The following KAT6A variants were observed in gnomAD, a reference collection of about 807,000 sequenced individuals.
The protein encoded by KAT6A is lysine acetyltransferase 6A.
A neutral mutation model predicts 198.4 loss-of-function variants in KAT6A; 9 were observed. The observed-to-expected ratio is 0.05, with a 90% CI of 0.03 to 0.08. The LOEUF (loss-of-function observed/expected upper bound fraction) is 0.08. Among genes scored for constraint, KAT6A ranks in the 10% least tolerant of loss-of-function variants. The probability of loss-of-function intolerance (pLI) is 1.00; values close to 1 mark genes in which losing one functional copy is unlikely to be tolerated. For missense variants in KAT6A, 2,077 were observed against 2,509.9 expected (o/e 0.83, Z 3.69); for synonymous variants, 890 against 883.0 (o/e 1.01, Z -0.14).
At chr8:41,991,568 T>C (rs977630036) in intron 2 of KAT6A, among the ~76,000 whole-genome samples, 1 of 152,190 alleles carries the variant, frequency 6.6e-6, no homozygotes, top group Admixed American at 6.5e-5. Context: ...GTAGTTAAGG[T>C]GTACACTTAT....
Position 42,030,487 on chromosome 8 carries a change from T to C in KAT6A, c.600+17891A>G, listed in dbSNP as rs138465947. Reference sequence around the variant, plus strand: ...TTTTGGTCCACCTTTGTGGAGAAGGTGAATGTTGGGGTCCTCTAGTCACCC... The same window carrying C: ...TTTTGGTCCACCTTTGTGGAGAAGGCGAATGTTGGGGTCCTCTAGTCACCC... On this transcript the variant is annotated intron_variant, in intron 2 of 16. Coordinates refer to ENST00000265713, the MANE Select transcript of KAT6A (RefSeq NM_006766.5). 3.7e-3 allele frequency among the ~76,000 whole-genome samples: 567 copies of C among 152,280 alleles called. 4 individuals are homozygous for C. The highest frequency in any genetic ancestry group is 0.012 in the African/African-American group (509 of 41,558).
chr8:41,945,905 C>T (rs1822358870), intron 12 of KAT6A, among the ~76,000 whole-genome samples: 1 of 152,008 alleles, frequency 6.6e-6, no homozygotes, highest in African/African-American at 2.4e-5. Flanking sequence ...TGGCTGGTGC[C>T]TGTAGTCCCA....
intron 2 of KAT6A, among the ~76,000 whole-genome samples, chr8:42,043,855 T>G (rs1034631591): frequency 6.6e-6 from 1 of 152,214 alleles, no homozygotes; most frequent in Non-Finnish European, 1.5e-5. Context: ...AAATCTCTTT[T>G]ATGCCTCAGT....
intron 2 of KAT6A, among the ~76,000 whole-genome samples, chr8:42,046,336 G>C (rs1177185618): frequency 6.6e-6 from 1 of 152,080 alleles, no homozygotes; most frequent in Non-Finnish European, 1.5e-5. Flanking sequence ...AGGAGTTCGA[G>C]ACCAGCCTGG....
chr8:41,933,181 T>A lies in KAT6A; in HGVS notation c.5039A>T (p.Gln1680Leu), dbSNP rs1821650284. Residue 1680 changes from glutamine to leucine, a missense_variant, in exon 17 of 17, where the codon CAA becomes CTA. Coordinates refer to ENST00000265713, the MANE Select transcript of KAT6A (RefSeq NM_006766.5). The surrounding 1 kb of genome is among the most constrained non-coding windows in gnomAD (Gnocchi z 6.2). ...CTGGGGCTGAGGCTGCGGCTGCTGT[T>A]GCGGCTGCTGCTGGGGTGGTGGAGG... is the stretch of plus-strand genomic sequence containing the variant. ...PQPPPPQQQPQQQPQPQPQQP... is the reference protein window; with the variant it reads ...PQPPPPQQQPLQQPQPQPQQP... The A allele has an allele frequency of 1.9e-6, 3 of 1,589,880 alleles. No homozygotes were observed. The South Asian group carries it at 3.4e-5, about 18-fold the overall frequency.
chr8:41,935,863 TA>T (rs1347630544), intron 16 of KAT6A, among the ~76,000 whole-genome samples: 1 of 152,214 alleles, frequency 6.6e-6, no homozygotes, highest in Non-Finnish European at 1.5e-5. Context: ...ATTTACAAAA[TA>T]AATTTTTAGT....
chr8:42,023,020 C>T (rs1826625120), intron 2 of KAT6A, among the ~76,000 whole-genome samples: 1 of 152,138 alleles, frequency 6.6e-6, no homozygotes, highest in Admixed American at 6.5e-5. Context: ...TTACTACACA[C>T]CTAGGCTATA....
Position 41,980,876 on chromosome 8 carries a change from A to T in KAT6A, c.877T>A (p.Cys293Ser). Reference sequence around the variant, plus strand: ...GGCATACGGGTGAGTGGCGGATCACAACACTCCATGTGAAAACCTCGGTCA... The same window carrying T: ...GGCATACGGGTGAGTGGCGGATCACTACACTCCATGTGAAAACCTCGGTCA... ...SCDRGFHMEC[C>S]DPPLTRMPKG... The change falls in exon 5 of 17, where the codon TGT (cysteine) becomes AGT (serine). Residue 293 changes from cysteine (C) to serine (S), a missense_variant. Physicochemically the swap from Cys to Ser is moderately radical, Grantham distance 112. Coordinates refer to ENST00000265713, the MANE Select transcript of KAT6A (RefSeq NM_006766.5). The T allele has an allele frequency of 6.2e-7, 1 of 1,613,566 alleles. No homozygotes were observed. The highest frequency in any genetic ancestry group is 8.5e-7 in the Non-Finnish European group (1 of 1,179,580).
intron 2 of KAT6A, among the ~76,000 whole-genome samples, chr8:42,030,470 C>T (rs1564076710): frequency 1.3e-5 from 2 of 152,096 alleles, no homozygotes; most frequent in Non-Finnish European, 2.9e-5. Flanking sequence ...TGTTTTGGTC[C>T]ACCTTTGTGG....
Position 41,934,026 on chromosome 8 carries a change from T to G in KAT6A, c.4194A>C (p.Glu1398Asp). ...QMAGSEDDHE[E>D]DSHTKEELIE... ...TTAACTCTTCCTTAGTGTGGGAGTCTTCTTCGTGGTCGTCCTCAGACCCAG... is the reference window on the plus strand; with the variant it reads ...TTAACTCTTCCTTAGTGTGGGAGTCGTCTTCGTGGTCGTCCTCAGACCCAG... The change falls in exon 17 of 17, where the codon GAA becomes GAC. Residue 1398 changes from glutamate to aspartate, a missense_variant. Glu to Asp is a conservative substitution (Grantham distance 45). Around this residue, in one of 13 missense-constraint regions of KAT6A, gnomAD observed 178 missense variants for 220.8 expected, o/e 0.81. Transcript: ENST00000265713. 2 of 1,614,136 alleles carry G rather than the reference T, an allele frequency of 1.2e-6. No individual in the cohort carries two copies. The highest frequency in any genetic ancestry group is 1.7e-6 in the Non-Finnish European group (2 of 1,180,030).
At position 41,933,191 on chromosome 8, in the gene KAT6A, G is replaced by C. The variant is rs1821651502; in HGVS notation, c.5029C>G (p.Gln1677Glu). The C allele has an allele frequency of 1.3e-6, 2 of 1,586,450 alleles. No homozygotes were observed. The highest frequency in any genetic ancestry group is 1.7e-6 in the Non-Finnish European group (2 of 1,169,346). Residue 1677 changes from glutamine to glutamate, a missense_variant, in exon 17 of 17, where the codon CAG becomes GAG. Gln to Glu is a conservative substitution (Grantham distance 29). This residue lies in a region of KAT6A where 500 missense variants were observed against 577.2 expected (regional missense o/e 0.87). Transcript: ENST00000265713. The surrounding 1 kb of genome is among the most constrained non-coding windows in gnomAD (Gnocchi z 6.2). ...GGCTGCGGCTGCTGTTGCGGCTGCT[G>C]CTGGGGTGGTGGAGGCTGTGGTGCT... ...QPAPQPPPPQ[Q>E]QPQQQPQPQP...
chr8:42,019,972 GTATATAAAC>G, intron 2 of KAT6A, among the ~76,000 whole-genome samples: 1 of 152,066 alleles, frequency 6.6e-6, no homozygotes, highest in South Asian at 2.1e-4. Flanking sequence ...GTATCCTTAG[GTATATAAAC>G]AACTAATGTT....
intron 15 of KAT6A, among the ~76,000 whole-genome samples, chr8:41,937,798 T>C (rs1432104661): frequency 2.0e-5 from 3 of 152,178 alleles, no homozygotes; most frequent in African/African-American, 7.2e-5. Context: ...TAGGCAGCCA[T>C]CTCCAAATAG....
intron 2 of KAT6A, among the ~76,000 whole-genome samples, chr8:42,003,572 T>C (rs1362164299): frequency 1.3e-5 from 2 of 152,110 alleles, no homozygotes; most frequent in Non-Finnish European, 2.9e-5. Context: ...CAATTCCCTA[T>C]ACATCATTTT....
chr8:41,945,855 C>T (rs1822355792), intron 12 of KAT6A, among the ~76,000 whole-genome samples: 1 of 151,800 alleles, frequency 6.6e-6, no homozygotes, highest in Admixed American at 6.6e-5. Context: ...GGTAAAACCC[C>T]GTCTCTAGTA....
chr8:41,937,969 T>G (rs999425851), intron 15 of KAT6A, among the ~76,000 whole-genome samples: 1 of 152,232 alleles, frequency 6.6e-6, no homozygotes, highest in Non-Finnish European at 1.5e-5. Flanking sequence ...CTGTGAAGGT[T>G]TGCAGAACTA....
intron 5 of KAT6A, 103 bp from the exon 6 acceptor site, chr8:41,978,880 C>CT: frequency 1.9e-6 from 2 of 1,063,870 alleles, no homozygotes; most frequent in Non-Finnish European, 2.7e-6. Context: ...AGGTAAAAGA[C>CT]TGTCATTAGA....
chr8:41,983,206 C>G (rs986460574), intron 3 of KAT6A, among the ~76,000 whole-genome samples: 1 of 152,150 alleles, frequency 6.6e-6, no homozygotes, highest in African/African-American at 2.4e-5. Context: ...AAAAGTTGGT[C>G]GTGCTTATTT....
chr8:42,007,200 T>C (rs181858401), intron 2 of KAT6A, among the ~76,000 whole-genome samples: 1 of 152,256 alleles, frequency 6.6e-6, no homozygotes. Flanking sequence ...ATAGACAATA[T>C]AGAATCCTCA....
Sources: allele counts gnomAD v4.1 joint callset (sites outside exome capture counted in the v4.1 genomes callset), GRCh38; gene constraint gnomAD v4.1.1; regional missense constraint gnomAD v4.1.1; non-coding constraint Gnocchi (gnomAD v3.1); transcripts MANE v1.5; gene names NCBI Gene and HGNC (gene_info 2026-07-23, HGNC 2026-07-21).